Variants in ELMO1 observed in about 807,000 individuals in gnomAD.
ELMO1 encodes engulfment and cell motility protein 1.
In ELMO1, 26 loss-of-function variants were observed where a neutral mutation model predicts 98.9. The observed-to-expected ratio is 0.26, with a 90% CI of 0.19 to 0.36. The LOEUF is 0.36. Among genes scored for constraint, ELMO1 ranks in the 10% least tolerant of loss-of-function variants. The pLI, the probability that ELMO1 is intolerant of heterozygous loss-of-function variation, is 1.00. For synonymous variants in ELMO1, 346 were observed against 346.0 expected, an observed-to-expected ratio of 1.00 and a Z score of 0.00; for missense variants, 627 against 935.2, an observed-to-expected ratio of 0.67 and a Z score of 4.30.
At chr7:37,318,996 T>C (rs1390519346) in intron 2 of ELMO1, among the ~76,000 whole-genome samples, 1 of 152,200 alleles carries the variant, frequency 6.6e-6, no homozygotes, top group Non-Finnish European at 1.5e-5. Context: ...TAGTTGCTCT[T>C]TTACCTGTAG....
intron 1 of ELMO1, among the ~76,000 whole-genome samples, chr7:37,439,660 T>C (rs1583767752): frequency 6.6e-6 from 1 of 152,246 alleles, no homozygotes; most frequent in Non-Finnish European, 1.5e-5. Flanking sequence ...GCTCAACATC[T>C]GTTTTTAAAA....
chr7:37,313,613 A>T (rs928323043), intron 4 of ELMO1, among the ~76,000 whole-genome samples: 1 of 152,200 alleles, frequency 6.6e-6, no homozygotes, highest in Non-Finnish European at 1.5e-5. Context: ...CCCAGTGTTC[A>T]TCTGGGAAGA....
chr7:37,123,072 G>T (rs1324297312), intron 14 of ELMO1, among the ~76,000 whole-genome samples: 1 of 151,702 alleles, frequency 6.6e-6, no homozygotes, highest in African/African-American at 2.4e-5. Flanking sequence ...AAATAAAGAT[G>T]TTCTTTGAAA....
Position 37,164,041 on chromosome 7 carries a change from G to A in ELMO1, c.1087-30807C>T, listed in dbSNP as rs540606502. Among the ~76,000 whole-genome samples the A allele has an allele frequency of 2.4e-3, 364 of 152,328 alleles. 2 individuals carry two copies. The highest frequency in any genetic ancestry group is 3.8e-3 in the Non-Finnish European group (256 of 68,034). The stretch of plus-strand genomic sequence containing the variant: ...TAATGATTGCCATTCTAACTGGTGT[G>A]AGATAATATCCCATTGCGGTTTTGA... On this transcript the variant is annotated intron_variant, in intron 13 of 21. Coordinates refer to ENST00000310758, the MANE Select transcript of ELMO1 (RefSeq NM_014800.11).
intron 4 of ELMO1, among the ~76,000 whole-genome samples, chr7:37,305,343 C>T (rs749287068): frequency 2.8e-4 from 43 of 152,110 alleles, no homozygotes; most frequent in Admixed American, 5.2e-4. Context: ...TGATCTGCAT[C>T]GTGATGGTTA....
chr7:37,415,950 AC>A, intron 1 of ELMO1, among the ~76,000 whole-genome samples: 1 of 152,328 alleles, frequency 6.6e-6, no homozygotes, highest in South Asian at 2.1e-4. Flanking sequence ...ACAACAAGAG[AC>A]CCATGTACAA....
At chr7:37,428,012 T>C (rs562590269) in intron 1 of ELMO1, among the ~76,000 whole-genome samples, 28 of 141,046 alleles carry the variant, frequency 2.0e-4, no homozygotes, top group African/African-American at 7.4e-4. Flanking sequence ...TTTATCTACA[T>C]GAAGGATGTA....
At chr7:37,204,686 A>G (rs898117328) in intron 13 of ELMO1, among the ~76,000 whole-genome samples, 3 of 152,132 alleles carry the variant, frequency 2.0e-5, no homozygotes, top group African/African-American at 7.2e-5. Context: ...GCATTGGTCC[A>G]TTTTACAGAG....
At chr7:37,011,723 A>G (rs572456414) in intron 16 of ELMO1, among the ~76,000 whole-genome samples, 17 of 152,320 alleles carry the variant, frequency 1.1e-4, no homozygotes, top group African/African-American at 3.8e-4. Context: ...TGGCTTTCAC[A>G]CAGCAGCACA....
chr7:37,307,418 T>C (rs1798668568), intron 4 of ELMO1, among the ~76,000 whole-genome samples: 1 of 152,172 alleles, frequency 6.6e-6, no homozygotes, highest in African/African-American at 2.4e-5. Flanking sequence ...CATGTTTGCT[T>C]TCCCTTCCAC....
intron 5 of ELMO1, among the ~76,000 whole-genome samples, chr7:37,268,978 A>T (rs1796413999): frequency 6.6e-6 from 1 of 152,234 alleles, no homozygotes; most frequent in African/African-American, 2.4e-5. Flanking sequence ...GGATGTTGAG[A>T]TGTCCTTATT....
intron 15 of ELMO1, among the ~76,000 whole-genome samples, chr7:37,077,966 T>C (rs1797671825): frequency 6.6e-6 from 1 of 152,210 alleles, no homozygotes; most frequent in Admixed American, 6.5e-5. Flanking sequence ...TTTTCCTCTT[T>C]TATTTTTTAT....
intron 16 of ELMO1, among the ~76,000 whole-genome samples, chr7:36,967,801 C>CCACCTCTCATTCATG (rs1562864181): frequency 6.6e-6 from 1 of 152,174 alleles, no homozygotes; most frequent in African/African-American, 2.4e-5. Context: ...TCTTCTCCCT[C>CCACCTCTCATTCATG]CACCTCTCAT....
intron 16 of ELMO1, among the ~76,000 whole-genome samples, chr7:36,921,877 G>A (rs959107174): frequency 6.6e-6 from 1 of 152,190 alleles, no homozygotes; most frequent in African/African-American, 2.4e-5. Flanking sequence ...CCCAGGTAAA[G>A]TCAAATAATA....
At chr7:37,438,532 G>A (rs146522419) in intron 1 of ELMO1, among the ~76,000 whole-genome samples, 2,922 of 151,810 alleles carry the variant, frequency 0.019, 79 homozygotes, top group African/African-American at 0.067. Flanking sequence ...CCCGGGAGGC[G>A]GAGATTGCAG....
At chr7:37,283,339 CT>C (rs1478970373) in intron 4 of ELMO1, among the ~76,000 whole-genome samples, 1 of 152,224 alleles carries the variant, frequency 6.6e-6, no homozygotes, top group East Asian at 1.9e-4. Context: ...AAGCAGCCCC[CT>C]GTCCAAAGAC....
At chr7:37,213,301 C>T in intron 12 of ELMO1, 34 bp downstream of exon 12, 1 of 1,604,266 alleles carries the variant, frequency 6.2e-7, no homozygotes, top group East Asian at 2.2e-5. Context: ...TTCTGTCCTT[C>T]CTGTGCTTTG....
chr7:37,217,526 G>A (rs1347869950), intron 10 of ELMO1, among the ~76,000 whole-genome samples: 1 of 151,832 alleles, frequency 6.6e-6, no homozygotes, highest in Non-Finnish European at 1.5e-5. Context: ...AAGAAACTAA[G>A]CCACGGTTTA....
chr7:36,929,221 T>C (rs1233263494), intron 16 of ELMO1, among the ~76,000 whole-genome samples: 3 of 152,178 alleles, frequency 2.0e-5, no homozygotes, highest in Non-Finnish European at 4.4e-5. Flanking sequence ...GTCCAGGGGC[T>C]GGCCGCACCA....
Sources: gnomAD v4.1 joint callset for allele counts (sites outside exome capture counted in the v4.1 genomes callset) on GRCh38, gnomAD v4.1.1 for gene constraint, MANE v1.5 for transcripts, NCBI Gene and HGNC (gene_info 2026-07-23, HGNC 2026-07-21) for gene names.